RHEX: variants seen among roughly 807,000 people sequenced by gnomAD.
The protein encoded by RHEX is regulator of hemoglobinization and erythroid cell expansion protein.
In RHEX, 18 loss-of-function variants were observed where a neutral mutation model predicts 20.1. The ratio of observed to expected loss-of-function variants is 0.90; its 90% CI spans 0.62 to 1.33. The LOEUF (loss-of-function observed/expected upper bound fraction) is 1.33, where lower values mean the gene tolerates loss of function less well. Ranked by LOEUF, RHEX falls within the 40% of genes most tolerant of loss-of-function variation. The probability of loss-of-function intolerance (pLI) is 0.00; values close to 1 mark genes in which losing one functional copy is unlikely to be tolerated. For synonymous variants in RHEX, 87 were observed against 77.1 expected, an observed-to-expected ratio of 1.13 and a Z score of -0.67; for missense variants, 192 against 214.3, an observed-to-expected ratio of 0.90 and a Z score of 0.65.
In RHEX at chr1:206,096,780, G is replaced by GT. The variant is rs1663079198; in HGVS notation, c.-96-953_-96-952insT. ...CAAGTCCCCTGTTTTTTTTTTTTTTGGTTTTTTTTTTTGAGACAGGGTCTT... is the reference window on the plus strand; with the variant it reads ...CAAGTCCCCTGTTTTTTTTTTTTTTGTGTTTTTTTTTTTGAGACAGGGTCTT... On this transcript the variant is annotated intron_variant, in intron 1 of 5. Transcript: ENST00000331555. Among the ~76,000 whole-genome samples, 378 of 73,066 alleles carry GT rather than the reference G, an allele frequency of 5.2e-3. 5 individuals carry two copies. Among genetic ancestry groups the GT allele is most frequent in the Non-Finnish European group, 6.9e-3 (264 of 38,360 alleles). The allele number at this position is 73,066 out of a possible 152,430, so 47.9% of individuals were successfully genotyped here. A position where few individuals can be genotyped will look rare whatever the true frequency, so the allele number is the denominator to read the frequency against.
chr1:206,101,297 G>A (rs1553288359), intron 5 of RHEX, 100 bp downstream of exon 5: 2 of 943,914 alleles, frequency 2.1e-6, no homozygotes, highest in Non-Finnish European at 1.6e-6. Flanking sequence ...TGTAGTGGGA[G>A]CAAGAAAAGA....
chr1:206,084,775 C>T (rs529193320), intron 1 of RHEX, among the ~76,000 whole-genome samples: 4 of 152,250 alleles, frequency 2.6e-5, no homozygotes, highest in South Asian at 2.1e-4. Context: ...AAAATTGTTA[C>T]GAATTTAAAG....
intron 1 of RHEX, 70 bp from the exon 2 acceptor site, chr1:206,097,663 A>G: frequency 1.1e-6 from 1 of 881,056 alleles, no homozygotes; most frequent in Non-Finnish European, 1.8e-6. Flanking sequence ...ATCCTCAAGT[A>G]GCTGAGTTTG....
At chr1:206,096,042 C>G (rs1375707423) in intron 1 of RHEX, among the ~76,000 whole-genome samples, 1 of 152,100 alleles carries the variant, frequency 6.6e-6, no homozygotes, top group Non-Finnish European at 1.5e-5. Flanking sequence ...GTTACCCGGG[C>G]TGGTCTTGAC....
rs782063429 is a variant in RHEX at position 206,101,866 on chromosome 1, A to C, written c.433A>C (p.Asn145His). The change falls in exon 6 of 6, where the codon AAT becomes CAT. Residue 145 changes from asparagine to histidine, a missense_variant. By Grantham distance (68) the Asn-to-His change is moderately conservative. Transcript: ENST00000331555. ...IKEITDYVNVNPERHKPSFWY... is the reference protein window; with the variant it reads ...IKEITDYVNVHPERHKPSFWY... ...GGAAATCACAGATTATGTCAATGTC[A>C]ATCCAGAAAGACACAAGCCCAGTTT... 6.2e-7 allele frequency: 1 copy of C among 1,614,086 alleles called. No homozygotes were observed.
At chr1:206,073,973 C>T (rs1418906634) in intron 1 of RHEX, among the ~76,000 whole-genome samples, 3 of 152,164 alleles carry the variant, frequency 2.0e-5, no homozygotes, top group South Asian at 2.1e-4. Context: ...CAAGGGCCTC[C>T]GTAATCCGGC....
chr1:206,092,933 AC>A (rs1296170399), intron 1 of RHEX, among the ~76,000 whole-genome samples: 7 of 152,170 alleles, frequency 4.6e-5, no homozygotes, highest in Non-Finnish European at 8.8e-5. Context: ...GCCTTACTTC[AC>A]CCCAGCCTTT....
intron 1 of RHEX, among the ~76,000 whole-genome samples, chr1:206,082,486 C>T (rs1334661654): frequency 6.6e-6 from 1 of 151,582 alleles, no homozygotes; most frequent in Non-Finnish European, 1.5e-5. Context: ...CCATGGCACT[C>T]CAGCCTGGGC....
rs1376751400 is a variant in RHEX, at chr1:206,101,830, G to A, written c.397G>A (p.Glu133Lys). 2.5e-6 allele frequency: 4 copies of A among 1,613,736 alleles called. No homozygotes were observed. The highest frequency in any genetic ancestry group is 3.4e-6 in the Non-Finnish European group (4 of 1,179,846). ...AAAAAATGACTCCCCGCTGGACTAT[G>A]AGAACATAAAGGAAATCACAGATTA... ...ELKNDSPLDY[E>K]NIKEITDYVN... The change falls in exon 6 of 6, where the codon GAG becomes AAG. Residue 133 changes from glutamate to lysine, a missense_variant. Glu to Lys is a moderately conservative substitution (Grantham distance 56, BLOSUM62 1). Coordinates refer to ENST00000331555, the MANE Select transcript of RHEX (RefSeq NM_001007544.4).
At chr1:206,078,739 TA>T (rs1314976308) in intron 1 of RHEX, among the ~76,000 whole-genome samples, 1 of 151,952 alleles carries the variant, frequency 6.6e-6, no homozygotes, top group Non-Finnish European at 1.5e-5. Context: ...TTTTAATCAA[TA>T]AAAAGTTTAA....
chr1:206,063,910 C>G (rs1410000301), intron 1 of RHEX, among the ~76,000 whole-genome samples: 1 of 149,604 alleles, frequency 6.7e-6, no homozygotes, highest in African/African-American at 2.5e-5. Context: ...AAGTGAGGAG[C>G]GTCTCTGCCC....
intron 1 of RHEX, among the ~76,000 whole-genome samples, chr1:206,090,985 A>C (rs1210985217): frequency 1.3e-5 from 2 of 152,228 alleles, no homozygotes; most frequent in African/African-American, 4.8e-5. Flanking sequence ...TTTTGCAAGT[A>C]AGAATGAATT....
chr1:206,075,304 A>G (rs1662617510), intron 1 of RHEX, among the ~76,000 whole-genome samples: 1 of 152,154 alleles, frequency 6.6e-6, no homozygotes, highest in Non-Finnish European at 1.5e-5. Context: ...AAATAGAAAA[A>G]CACCGCATAA....
chr1:206,069,040 C>T (rs1553284428), intron 1 of RHEX, among the ~76,000 whole-genome samples: 1 of 152,180 alleles, frequency 6.6e-6, no homozygotes, highest in Non-Finnish European at 1.5e-5. Flanking sequence ...GCCAAGATGC[C>T]CTTTCTGGTT....
chr1:206,055,477 G>GA (rs201424162), intron 1 of RHEX, among the ~76,000 whole-genome samples: 70 of 150,178 alleles, frequency 4.7e-4, no homozygotes, highest in East Asian at 1.4e-3. Context: ...CCAGAGGAAG[G>GA]AAAAAAAAAA....
chr1:206,076,366 A>G (rs1286290648), intron 1 of RHEX, among the ~76,000 whole-genome samples: 1 of 152,100 alleles, frequency 6.6e-6, no homozygotes, highest in Non-Finnish European at 1.5e-5. Flanking sequence ...GGGTTTTGCC[A>G]TGTTGCCCAG....
chr1:206,073,394 CT>C (rs1662570808), intron 1 of RHEX, among the ~76,000 whole-genome samples: 1 of 152,186 alleles, frequency 6.6e-6, no homozygotes, highest in African/African-American at 2.4e-5. Context: ...CTTGTATAGT[CT>C]TTAAGTGTGC....
chr1:206,076,301 T>G (rs1178480449), intron 1 of RHEX, among the ~76,000 whole-genome samples: 5 of 152,102 alleles, frequency 3.3e-5, no homozygotes, highest in African/African-American at 1.2e-4. Flanking sequence ...ACTACAGGCA[T>G]GCACAGGCAT....
intron 1 of RHEX, among the ~76,000 whole-genome samples, chr1:206,071,130 A>G (rs1353625730): frequency 6.6e-6 from 1 of 152,198 alleles, no homozygotes; most frequent in Non-Finnish European, 1.5e-5. Context: ...CCAACAGTGC[A>G]GCCTTCAGTC....
Sources: gnomAD v4.1 joint callset for allele counts (sites outside exome capture counted in the v4.1 genomes callset) on GRCh38, gnomAD v4.1.1 for gene constraint, MANE v1.5 for transcripts, NCBI Gene and HGNC (gene_info 2026-07-23, HGNC 2026-07-21) for gene names.